The following PRKN variants were observed in gnomAD, a reference collection of about 807,000 sequenced individuals.
PRKN encodes the protein E3 ubiquitin-protein ligase parkin.
A neutral mutation model predicts 59.5 loss-of-function variants in PRKN; 56 were observed. The observed-to-expected ratio is 0.94, with a 90% CI of 0.76 to 1.18. PRKN has a LOEUF of 1.18. Ranked by LOEUF, PRKN falls within the 50% of genes most tolerant of loss-of-function variation. The probability of loss-of-function intolerance (pLI) is 0.00; values close to 1 mark genes in which losing one functional copy is unlikely to be tolerated. For synonymous variants in PRKN, 250 were observed against 222.1 expected, an observed-to-expected ratio of 1.13 and a Z score of -1.12; for missense variants, 657 against 596.4, an observed-to-expected ratio of 1.10 and a Z score of -1.06.
At chr6:162,547,720 A>G (rs1779174740) in intron 1 of PRKN, among the ~76,000 whole-genome samples, 1 of 152,024 alleles carries the variant, frequency 6.6e-6, no homozygotes, top group Non-Finnish European at 1.5e-5. Flanking sequence ...AGCTGGGATT[A>G]CAGGCACACA....
rs143501516 is a variant in PRKN at position 162,295,583 on chromosome 6, T to A, written c.172-32818A>T. 3.8e-3 allele frequency among the ~76,000 whole-genome samples: 582 copies of A among 152,290 alleles called. 5 individuals are homozygous for A. Among genetic ancestry groups the A allele is most frequent in the African/African-American group, 0.013 (550 of 41,556 alleles). On this transcript the variant is annotated intron_variant, in intron 2 of 11. Transcript: ENST00000366898. ...CTAATGCCATTAACTAATTGTCCAA[T>A]AATTTCAGCAAAATTCAAAGTATAA...
At chr6:162,726,616 T>C (rs574335564) in intron 1 of PRKN, among the ~76,000 whole-genome samples, 60 of 152,310 alleles carry the variant, frequency 3.9e-4, no homozygotes, top group Non-Finnish European at 7.2e-4. Flanking sequence ...AATAAACAGA[T>C]GTAAGAAGTG....
At chr6:162,311,223 A>G in intron 2 of PRKN, among the ~76,000 whole-genome samples, 1 of 152,140 alleles carries the variant, frequency 6.6e-6, no homozygotes, top group South Asian at 2.1e-4. Context: ...CTATAAGAAT[A>G]GATTTGTTAA....
intron 2 of PRKN, among the ~76,000 whole-genome samples, chr6:162,329,936 A>T (rs1277129633): frequency 1.3e-5 from 2 of 152,164 alleles, no homozygotes; most frequent in Non-Finnish European, 2.9e-5. Context: ...AACGGTATCC[A>T]ATCTACAACA....
intron 5 of PRKN, among the ~76,000 whole-genome samples, chr6:161,996,024 T>C (rs761673994): frequency 6.6e-6 from 1 of 152,108 alleles, no homozygotes; most frequent in Non-Finnish European, 1.5e-5. Flanking sequence ...TATGATCCAA[T>C]AATCCCATGA....
chr6:162,171,956 C>T (rs1783300213), intron 4 of PRKN, among the ~76,000 whole-genome samples: 1 of 152,150 alleles, frequency 6.6e-6, no homozygotes, highest in African/African-American at 2.4e-5. Flanking sequence ...CATAGCTCTT[C>T]CTTTGTGCTA....
chr6:161,958,925 G>T (rs1017111223), intron 6 of PRKN, among the ~76,000 whole-genome samples: 19 of 151,768 alleles, frequency 1.3e-4, no homozygotes, highest in African/African-American at 4.4e-4. Context: ...ATGTGAGAGT[G>T]GTTAGTTTAT....
chr6:162,336,707 A>G (rs1425184202), intron 2 of PRKN, among the ~76,000 whole-genome samples: 1 of 152,218 alleles, frequency 6.6e-6, no homozygotes, highest in Non-Finnish European at 1.5e-5. Context: ...CCACATCAGA[A>G]TACTTTCCAT....
At chr6:161,878,222 A>G (rs906595523) in intron 6 of PRKN, among the ~76,000 whole-genome samples, 1 of 152,238 alleles carries the variant, frequency 6.6e-6, no homozygotes, top group African/African-American at 2.4e-5. Flanking sequence ...AAAAGTAGAA[A>G]GAAATAAATT....
intron 1 of PRKN, among the ~76,000 whole-genome samples, chr6:162,553,174 GAGGGGA>G (rs2128204178): frequency 6.6e-6 from 1 of 152,268 alleles, no homozygotes; most frequent in South Asian, 2.1e-4. Flanking sequence ...ATAAAGGAGA[GAGGGGA>G]CCAGCCAAAG....
intron 1 of PRKN, among the ~76,000 whole-genome samples, chr6:162,574,823 GAA>G (rs1167193505): frequency 1.1e-4 from 15 of 136,492 alleles, no homozygotes; most frequent in Non-Finnish European, 2.4e-4. Flanking sequence ...GTTTTAATAT[GAA>G]CTTGCTTGAT....
At chr6:162,668,653 G>C (rs893004756) in intron 1 of PRKN, among the ~76,000 whole-genome samples, 1 of 152,122 alleles carries the variant, frequency 6.6e-6, no homozygotes, top group Non-Finnish European at 1.5e-5. Context: ...CACTCAAGAA[G>C]TTCCTAAAGA....
At chr6:162,156,564 A>ACG (rs1583119551) in intron 4 of PRKN, among the ~76,000 whole-genome samples, 1 of 152,264 alleles carries the variant, frequency 6.6e-6, no homozygotes, top group East Asian at 1.9e-4. Context: ...AGAAAGATGG[A>ACG]GGCCGGAAGA....
In PRKN at chr6:162,604,170, T is replaced by C. The variant is rs545347632; in HGVS notation, c.7+123492A>G. Among the ~76,000 whole-genome samples, 91 of 152,290 alleles carry C rather than the reference T, an allele frequency of 6.0e-4. No individual in the cohort carries two copies. In the South Asian group the frequency reaches 8.3e-3, roughly 14 times the overall value. ...TAACAGTAAAGCTTCATGTACTCCT[T>C]GTACATGGCAAGTACCTGCTTTCAT... On this transcript the variant is annotated intron_variant, in intron 1 of 11. Coordinates refer to ENST00000366898, the MANE Select transcript of PRKN (RefSeq NM_004562.3).
chr6:162,099,435 A>G (rs1779876466), intron 4 of PRKN, among the ~76,000 whole-genome samples: 1 of 152,232 alleles, frequency 6.6e-6, no homozygotes, highest in Non-Finnish European at 1.5e-5. Context: ...CCCTGGAGAA[A>G]CAGTTCTTCA....
intron 2 of PRKN, among the ~76,000 whole-genome samples, chr6:162,407,766 A>G (rs1788144856): frequency 2.0e-5 from 3 of 152,132 alleles, no homozygotes; most frequent in Admixed American, 6.6e-5. Context: ...ATTAAGAAAA[A>G]TTACTCAAAA....
chr6:162,147,122 C>T (rs938683927), intron 4 of PRKN, among the ~76,000 whole-genome samples: 3 of 150,460 alleles, frequency 2.0e-5, no homozygotes, highest in African/African-American at 7.3e-5. Flanking sequence ...GGGAGGATCA[C>T]TTGAGGCCAG....
At chr6:162,103,479 A>G (rs1481956025) in intron 4 of PRKN, among the ~76,000 whole-genome samples, 1 of 152,222 alleles carries the variant, frequency 6.6e-6, no homozygotes, top group Non-Finnish European at 1.5e-5. Context: ...AATAGTCCAT[A>G]ACTTTACTAT....
chr6:161,505,269 T>C (rs1027411361), intron 9 of PRKN, among the ~76,000 whole-genome samples: 1 of 152,136 alleles, frequency 6.6e-6, no homozygotes, highest in Non-Finnish European at 1.5e-5. Flanking sequence ...ATTTCTCTGA[T>C]GGCCAGTGAT....
Sources: gnomAD v4.1 joint callset for allele counts (sites outside exome capture counted in the v4.1 genomes callset) on GRCh38, gnomAD v4.1.1 for gene constraint, MANE v1.5 for transcripts, NCBI Gene and HGNC (gene_info 2026-07-23, HGNC 2026-07-21) for gene names.